The following ARHGEF39 variants were observed in gnomAD, a reference collection of about 807,000 sequenced individuals.
ARHGEF39 encodes Rho guanine nucleotide exchange factor (GEF) 39.
ARHGEF39 carries 45 observed loss-of-function variants against 47.5 expected under a neutral mutation model. The ratio of observed to expected loss-of-function variants is 0.95; its 90% CI spans 0.75 to 1.22. ARHGEF39 has a LOEUF of 1.22. ARHGEF39 is among the 50% of genes most tolerant of loss of function. The pLI is 0.00. For synonymous variants in ARHGEF39, 164 were observed against 167.8 expected (o/e 0.98, Z 0.17); for missense variants, 411 against 425.3 (o/e 0.97, Z 0.30).
intron 3 of ARHGEF39, 24 bp from the exon 4 acceptor site, chr9:35,664,150 G>C (rs923783242): frequency 1.1e-5 from 17 of 1,606,156 alleles, no homozygotes; most frequent in Admixed American, 1.7e-5. Context: ...GAAAGGATTG[G>C]AAGCAGGGAG....
At position 35,660,301 on chromosome 9, in the gene ARHGEF39, T is replaced by G. The variant is rs768872766; in HGVS notation, c.*1686A>C. The G allele has an allele frequency of 3.0e-6, 3 of 1,004,040 alleles. No homozygotes were observed. Among genetic ancestry groups the G allele is most frequent in the Non-Finnish European group, 4.5e-6 (3 of 669,704 alleles). 62.2% of individuals were successfully genotyped at this position (1,004,040 alleles called of 1,614,324 possible). A position where few individuals can be genotyped will look rare whatever the true frequency, so the allele number is the denominator to read the frequency against. On this transcript the variant is annotated 3_prime_UTR_variant, in exon 9 of 9. Transcript: ENST00000378387. ...CTGAGGTAAAAACCCAATCACTGTC[T>G]CCATCTCAAATTGCACTCTCTCTTG...
intron 3 of ARHGEF39, 103 bp from the exon 4 acceptor site, chr9:35,664,229 G>C: frequency 2.0e-6 from 3 of 1,517,242 alleles, no homozygotes; most frequent in Non-Finnish European, 2.7e-6. Context: ...GTGCTCCTGA[G>C]AGAAACTCTC....
chr9:35,662,778 C>T (rs1188962535), intron 6 of ARHGEF39, 37 bp from the exon 7 acceptor site: 2 of 1,536,988 alleles, frequency 1.3e-6, no homozygotes, highest in South Asian at 1.2e-5. Flanking sequence ...GGTGCAGCTT[C>T]AAGATACATG....
chr9:35,664,199 T>C (rs1824120144), intron 3 of ARHGEF39, 73 bp from the exon 4 acceptor site: 4 of 1,538,202 alleles, frequency 2.6e-6, no homozygotes, highest in Non-Finnish European at 2.7e-6. Context: ...TGTATCCACA[T>C]TCCCAGCCTT....
At position 35,661,448 on chromosome 9, in the gene ARHGEF39, GA is replaced by G. The variant is rs966511387; in HGVS notation, c.*538del. 8.8e-6 allele frequency: 4 copies of G among 457,126 alleles called. No homozygotes were observed. Among genetic ancestry groups the G allele is most frequent in the South Asian group, 5.5e-5 (1 of 18,156 alleles). The allele number at this position is 457,126 out of a possible 1,614,324, so 28.3% of individuals were successfully genotyped here. ...ACAGAAGGGTCTTTCCCAAAAAAAA[GA>G]AAAAAAACTTTACTCAAATCCAGTG... On this transcript the variant is annotated 3_prime_UTR_variant, in exon 9 of 9. Coordinates refer to ENST00000378387, the MANE Select transcript of ARHGEF39 (RefSeq NM_032818.3).
chr9:35,660,423 T>C lies in ARHGEF39; in HGVS notation c.*1564A>G, dbSNP rs1823857109. 6.2e-7 allele frequency: 1 copy of C among 1,610,072 alleles called. No individual in the cohort carries two copies. The highest frequency in any genetic ancestry group is 2.2e-5 in the East Asian group (1 of 44,862). ...CAGGGGAAAGATGAAACTGCGGTTC[T>C]CCACGAGGAGGCAAGCAAGCAGCAG... On this transcript the variant is annotated 3_prime_UTR_variant, in exon 9 of 9. Coordinates refer to ENST00000378387, the MANE Select transcript of ARHGEF39 (RefSeq NM_032818.3).
intron 6 of ARHGEF39, 21 bp from the exon 7 acceptor site, chr9:35,662,762 T>TA (rs1824028582): frequency 1.9e-6 from 3 of 1,545,710 alleles, no homozygotes; most frequent in African/African-American, 1.4e-5. Context: ...GGAGCGCTGT[T>TA]ATTCTGGTGC....
At position 35,661,942 on chromosome 9, in the gene ARHGEF39, A is replaced by C; in HGVS notation, c.*45T>G. 3 of 1,599,466 alleles carry C rather than the reference A, an allele frequency of 1.9e-6. No homozygotes were observed. The highest frequency in any genetic ancestry group is 2.6e-6 in the Non-Finnish European group (3 of 1,171,246). The stretch of plus-strand genomic sequence containing the variant: ...AGATTCCTTTGTACTCTTGGCTGTG[A>C]CCTATCCCTGAGGTATCCTGAGTTC... On this transcript the variant is annotated 3_prime_UTR_variant, in exon 9 of 9. Coordinates refer to ENST00000378387, the MANE Select transcript of ARHGEF39 (RefSeq NM_032818.3).
rs762587408 is a variant in ARHGEF39 at position 35,661,887 on chromosome 9, C to G, written c.*100G>C. ...AAACAGAAAGTGACCTTTGTCAAAT[C>G]ATGAAGGGTTCTGTTTTGTTCAGTA... On this transcript the variant is annotated 3_prime_UTR_variant, in exon 9 of 9. Transcript: ENST00000378387. 1.5e-6 allele frequency: 2 copies of G among 1,376,996 alleles called. No homozygotes were observed. Among genetic ancestry groups the G allele is most frequent in the African/African-American group, 2.9e-5 (2 of 68,916 alleles). The allele number at this position is 1,376,996 out of a possible 1,614,324, so 85.3% of individuals were successfully genotyped here. A position where few individuals can be genotyped will look rare whatever the true frequency, so the allele number is the denominator to read the frequency against.
chr9:35,665,151 C>G lies in ARHGEF39; in HGVS notation c.19G>C (p.Gly7Arg). 2.6e-6 allele frequency: 4 copies of G among 1,537,952 alleles called. No homozygotes were observed. The highest frequency in any genetic ancestry group is 1.2e-5 in the South Asian group (1 of 83,328). MELSCP[G>R]SRCPVQEQRA... Reference sequence around the variant, plus strand: ...TGCTCTTGCACCGGGCACCGCGAACCGGGGCAGGAGAGCTCCATGCCCTGG... The same window carrying G: ...TGCTCTTGCACCGGGCACCGCGAACGGGGGCAGGAGAGCTCCATGCCCTGG... Residue 7 changes from glycine (G) to arginine (R), a missense_variant, in exon 1 of 9, where the codon GGT (glycine) becomes CGT (arginine). By Grantham distance (125) the Gly-to-Arg change is moderately radical. Transcript: ENST00000378387.
Position 35,662,595 on chromosome 9 carries a change from A to T in ARHGEF39, c.820T>A (p.Cys274Ser). 1.9e-6 allele frequency: 3 copies of T among 1,614,200 alleles called. No homozygotes were observed. Among genetic ancestry groups the T allele is most frequent in the Non-Finnish European group, 8.5e-7 (1 of 1,180,036 alleles). ...TGGGCCATGGGGTAGAGGGCCTTGC[A>T]GGCAAAGGTGCCACTCCGCAGCAGG... ...LHLLRSGTFA[C>S]KALYPMAQCH... The change falls in exon 7 of 9, where the codon TGC (cysteine) becomes AGC (serine). Residue 274 changes from cysteine to serine, a missense_variant. By Grantham distance (112) the Cys-to-Ser change is moderately radical. Transcript: ENST00000378387.
chr9:35,663,997 A>G lies in ARHGEF39; in HGVS notation c.473+11T>C. 2 of 1,610,540 alleles carry G rather than the reference A, an allele frequency of 1.2e-6. No homozygotes were observed. The highest frequency in any genetic ancestry group is 1.7e-6 in the Non-Finnish European group (2 of 1,176,748). ...AAAGAGAGAGGCGGCTGGAATCAAG[A>G]GTTCACTCACTGCTGGAGCCGTTGC... On this transcript the variant is annotated intron_variant, in intron 4 of 8. Transcript: ENST00000378387.
At chr9:35,662,900 T>G in intron 6 of ARHGEF39, 46 bp downstream of exon 6, 2 of 1,598,130 alleles carry the variant, frequency 1.3e-6, no homozygotes, top group Non-Finnish European at 1.7e-6. Context: ...TAGATAAAAA[T>G]AAAAGATGGG....
Position 35,660,569 on chromosome 9 carries a change from C to G in ARHGEF39, c.*1418G>C. On this transcript the variant is annotated 3_prime_UTR_variant, in exon 9 of 9. Coordinates refer to ENST00000378387, the MANE Select transcript of ARHGEF39 (RefSeq NM_032818.3). ...CCCTTATCCCCAGAGCAACAGCTGGCCCAGTTGACACAACAGCTGGCCCAG... is the reference window on the plus strand; with the variant it reads ...CCCTTATCCCCAGAGCAACAGCTGGGCCAGTTGACACAACAGCTGGCCCAG... 6.2e-7 allele frequency: 1 copy of G among 1,614,092 alleles called. No individual in the cohort carries two copies.
At chr9:35,663,720 ACCCAGGCCAGC>A (rs1824094088) in intron 4 of ARHGEF39, among the ~76,000 whole-genome samples, 1 of 152,100 alleles carries the variant, frequency 6.6e-6, no homozygotes, top group African/African-American at 2.4e-5. Flanking sequence ...AGAAATTCTA[ACCCAGGCCAGC>A]CCCGCATCTG....
intron 6 of ARHGEF39, 52 bp from the exon 7 acceptor site, chr9:35,662,793 T>TA (rs1436369770): frequency 2.2e-5 from 33 of 1,526,226 alleles, no homozygotes; most frequent in Non-Finnish European, 2.9e-5. Flanking sequence ...TACATGGGAA[T>TA]AAGAGGAAAG....
In ARHGEF39 at chr9:35,660,926, C is replaced by T. The variant is rs371820543; in HGVS notation, c.*1061G>A. The T allele has an allele frequency of 6.2e-7, 1 of 1,614,198 alleles. No homozygotes were observed. The highest frequency in any genetic ancestry group is 1.1e-5 in the South Asian group (1 of 91,084). ...TCTCTGAAACTGGAACATTCCTGAT[C>T]TCTCCCCACACAGAGGCCAGCAGAC... On this transcript the variant is annotated 3_prime_UTR_variant, in exon 9 of 9. Coordinates refer to ENST00000378387, the MANE Select transcript of ARHGEF39 (RefSeq NM_032818.3).
At chr9:35,663,932 A>G (rs1011625459) in intron 4 of ARHGEF39, 76 bp downstream of exon 4, 20 of 1,455,242 alleles carry the variant, frequency 1.4e-5, no homozygotes, top group Non-Finnish European at 1.8e-5. Context: ...ATCGACCCCA[A>G]GGCATCCCAC....
rs946824322 is a variant in ARHGEF39, at chr9:35,659,570, G to C, written c.*2417C>G. Reference sequence around the variant, plus strand: ...TCACCTGCCAATCAGAATGCCCCTGGAGAATTGTATTCTCCTCAGGGCATT... The same window carrying C: ...TCACCTGCCAATCAGAATGCCCCTGCAGAATTGTATTCTCCTCAGGGCATT... On this transcript the variant is annotated 3_prime_UTR_variant, in exon 9 of 9. Coordinates refer to ENST00000378387, the MANE Select transcript of ARHGEF39 (RefSeq NM_032818.3). The C allele has an allele frequency of 5.3e-5, 8 of 152,184 alleles. 1 individual carries two copies. Among genetic ancestry groups the C allele is most frequent in the Admixed American group, 5.2e-4 (8 of 15,278 alleles). The allele number at this position is 152,184 out of a possible 1,614,324, so 9.4% of individuals were successfully genotyped here.
Sources: allele counts gnomAD v4.1 joint callset (sites outside exome capture counted in the v4.1 genomes callset), GRCh38; gene constraint gnomAD v4.1.1; transcripts MANE v1.5; gene names NCBI Gene and HGNC (gene_info 2026-07-23, HGNC 2026-07-21).